The following KCNH5 variants were observed in gnomAD, a reference collection of about 807,000 sequenced individuals.
KCNH5 encodes the protein voltage-gated delayed rectifier potassium channel KCNH5.
Under a neutral mutation model 96.1 loss-of-function variants are expected in KCNH5, and 46 were observed. That is an observed-to-expected ratio of 0.48 (90% CI 0.38 to 0.61). KCNH5 has a LOEUF of 0.61. KCNH5 is among the 20% of genes least tolerant of loss of function. The pLI is 0.00. For missense variants in KCNH5, 907 were observed against 1,225.8 expected (o/e 0.74, Z 3.88); for synonymous variants, 439 against 449.8 (o/e 0.98, Z 0.30).
chr14:62,884,083 C>A (rs1351319346), intron 7 of KCNH5, among the ~76,000 whole-genome samples: 1 of 152,130 alleles, frequency 6.6e-6, no homozygotes, highest in African/African-American at 2.4e-5. Flanking sequence ...ACCACCAGTA[C>A]TGCAGAAATG....
At chr14:63,025,500 A>C (rs138639725) in intron 1 of KCNH5, among the ~76,000 whole-genome samples, 87 of 152,236 alleles carry the variant, frequency 5.7e-4, no homozygotes, top group African/African-American at 2.1e-3. Context: ...AAAAACTGTT[A>C]GAACTAATAA....
intron 6 of KCNH5, among the ~76,000 whole-genome samples, chr14:62,959,728 C>T (rs1890171067): frequency 6.6e-6 from 1 of 152,064 alleles, no homozygotes; most frequent in Admixed American, 6.6e-5. Context: ...GAATCAGTTT[C>T]CATTATTTTT....
At chr14:62,773,899 A>G (rs1400660554) in intron 10 of KCNH5, among the ~76,000 whole-genome samples, 1 of 152,128 alleles carries the variant, frequency 6.6e-6, no homozygotes, top group African/African-American at 2.4e-5. Context: ...CTTTTATGGA[A>G]AAAAAGGTTA....
chr14:62,950,869 T>C (rs1459464002), intron 6 of KCNH5, among the ~76,000 whole-genome samples: 4 of 152,172 alleles, frequency 2.6e-5, no homozygotes, highest in Non-Finnish European at 4.4e-5. Flanking sequence ...AAGATGAAAA[T>C]TGCTCAAATG....
chr14:62,933,009 A>G (rs920786263), intron 7 of KCNH5, among the ~76,000 whole-genome samples: 1 of 152,298 alleles, frequency 6.6e-6, no homozygotes. Context: ...GATATAGGAA[A>G]CAATGGGTCC....
chr14:63,029,170 C>T (rs1168494721), intron 1 of KCNH5, among the ~76,000 whole-genome samples: 1 of 152,130 alleles, frequency 6.6e-6, no homozygotes, highest in East Asian at 1.9e-4. Flanking sequence ...TTGAGTAAAG[C>T]AGACATGGTG....
At chr14:62,727,342 G>A (rs112923678) in intron 10 of KCNH5, among the ~76,000 whole-genome samples, 4,547 of 152,140 alleles carry the variant, frequency 0.03, 153 homozygotes, top group African/African-American at 0.087. Context: ...TCCAGCATGG[G>A]CAACAGAGTG....
chr14:62,800,224 C>T (rs1886633475), intron 9 of KCNH5, among the ~76,000 whole-genome samples: 1 of 152,010 alleles, frequency 6.6e-6, no homozygotes, highest in South Asian at 2.1e-4. Flanking sequence ...TGTGAAAAGT[C>T]TCTGAATCCC....
chr14:63,006,069 G>A (rs764650634), intron 3 of KCNH5, among the ~76,000 whole-genome samples: 1 of 151,988 alleles, frequency 6.6e-6, no homozygotes, highest in Non-Finnish European at 1.5e-5. Flanking sequence ...AATTTTAATC[G>A]TTGTCACATA....
At chr14:62,862,536 T>C (rs1340670130) in intron 7 of KCNH5, among the ~76,000 whole-genome samples, 2 of 152,230 alleles carry the variant, frequency 1.3e-5, no homozygotes, top group Non-Finnish European at 2.9e-5. Context: ...CACTAAAAGA[T>C]GGAATCTATT....
chr14:62,958,186 A>G (rs1341314058), intron 6 of KCNH5, among the ~76,000 whole-genome samples: 5 of 152,216 alleles, frequency 3.3e-5, no homozygotes, highest in African/African-American at 1.2e-4. Flanking sequence ...TTTATCTGTT[A>G]TATTCAGAAA....
chr14:63,005,416 C>A (rs1891105913), intron 3 of KCNH5, among the ~76,000 whole-genome samples: 1 of 152,156 alleles, frequency 6.6e-6, no homozygotes, highest in Non-Finnish European at 1.5e-5. Context: ...TTATGCTCCA[C>A]AAGATCCAAC....
intron 7 of KCNH5, among the ~76,000 whole-genome samples, chr14:62,927,661 T>C (rs1251918829): frequency 1.1e-4 from 16 of 152,110 alleles, no homozygotes; most frequent in Admixed American, 9.8e-4. Context: ...ATTCTACTTC[T>C]ATGAAGCACC....
rs746299517 is a variant in KCNH5 at position 62,950,107 on chromosome 14, T to C, written c.1369+26A>G. 1.2e-5 allele frequency: 20 copies of C among 1,606,590 alleles called. No homozygotes were observed. In the Admixed American group the frequency reaches 1.8e-4, roughly 15 times the overall value. ...AGGAAAATTGCCAATAACAATAATT[T>C]TCAATGAAAAAATTAAAATACTTAC... On this transcript the variant is annotated intron_variant, in intron 7 of 10. Coordinates refer to ENST00000322893, the MANE Select transcript of KCNH5 (RefSeq NM_139318.5).
rs745459509 is a variant in KCNH5 at position 62,700,027 on chromosome 14, A to G, written c.*7481T>C. 6.6e-6 allele frequency: 1 copy of G among 152,190 alleles called. No individual in the cohort carries two copies. Among genetic ancestry groups the G allele is most frequent in the African/African-American group, 2.4e-5 (1 of 41,466 alleles). 9.4% of individuals were successfully genotyped at this position (152,190 alleles called of 1,614,324 possible). Reference sequence around the variant, plus strand: ...TTTTAATACCCCCAATATCTCACCAATATGGTTGCAGTGACAAAAACATTT... The same window carrying G: ...TTTTAATACCCCCAATATCTCACCAGTATGGTTGCAGTGACAAAAACATTT... On this transcript the variant is annotated 3_prime_UTR_variant, in exon 11 of 11. Coordinates refer to ENST00000322893, the MANE Select transcript of KCNH5 (RefSeq NM_139318.5).
chr14:63,020,017 A>C (rs1479745296), intron 1 of KCNH5, among the ~76,000 whole-genome samples: 2 of 152,152 alleles, frequency 1.3e-5, no homozygotes, highest in South Asian at 2.1e-4. Flanking sequence ...AAGTAACTTA[A>C]ACAGACATTT....
chr14:62,945,107 T>C (rs1889861514), intron 7 of KCNH5, among the ~76,000 whole-genome samples: 1 of 152,204 alleles, frequency 6.6e-6, no homozygotes, highest in Non-Finnish European at 1.5e-5. Context: ...GAACCAACTC[T>C]GAACCAAATA....
intron 8 of KCNH5, among the ~76,000 whole-genome samples, chr14:62,822,758 C>T (rs1445553078): frequency 6.6e-6 from 1 of 151,514 alleles, no homozygotes; most frequent in African/African-American, 2.4e-5. Context: ...AATGTACAAT[C>T]CATAAAATGA....
intron 9 of KCNH5, among the ~76,000 whole-genome samples, chr14:62,789,333 A>G (rs993282772): frequency 7.2e-5 from 11 of 152,024 alleles, no homozygotes; most frequent in African/African-American, 2.4e-4. Context: ...TCATCCATCA[A>G]TGGATACTTA....
Sources: gnomAD v4.1 joint callset for allele counts (sites outside exome capture counted in the v4.1 genomes callset) on GRCh38, gnomAD v4.1.1 for gene constraint, MANE v1.5 for transcripts, NCBI Gene and HGNC (gene_info 2026-07-23, HGNC 2026-07-21) for gene names.